The following SLC16A14 variants were observed in gnomAD, a reference collection of about 807,000 sequenced individuals.
The protein encoded by SLC16A14 is solute carrier family 16 member 14.
Under a neutral mutation model 35.8 loss-of-function variants are expected in SLC16A14, and 14 were observed. The observed-to-expected ratio is 0.39, with a 90% confidence interval of 0.26 to 0.61. The LOEUF (loss-of-function observed/expected upper bound fraction) is 0.61, where lower values mean the gene tolerates loss of function less well. SLC16A14 is among the 20% of genes least tolerant of loss of function. The pLI is 0.51. For synonymous variants in SLC16A14, 248 were observed against 258.9 expected (o/e 0.96, Z 0.40); for missense variants, 533 against 655.0 (o/e 0.81, Z 2.03).
intron 2 of SLC16A14, among the ~76,000 whole-genome samples, chr2:230,056,617 C>A (rs1428086750): frequency 6.6e-6 from 1 of 151,880 alleles, no homozygotes; most frequent in East Asian, 1.9e-4. Context: ...CCTGTAATCC[C>A]AGCACTTTGA....
chr2:230,049,836 T>G lies in SLC16A14; in HGVS notation c.328A>C (p.Asn110His). 1 of 1,614,158 alleles carries G rather than the reference T, an allele frequency of 6.2e-7. No homozygotes were observed. The highest frequency in any genetic ancestry group is 8.5e-7 in the Non-Finnish European group (1 of 1,180,030). ...GCACTCAACACCCAGCCCAGGGAGT[T>G]GACGAGCCCTCCAATGATCGCAGTC... Reference protein sequence around the residue: ...RQTAIIGGLVNSLGWVLSAYA... With the variant: ...RQTAIIGGLVHSLGWVLSAYA... The change falls in exon 3 of 5, where the codon AAC (asparagine) becomes CAC (histidine). Residue 110 changes from asparagine to histidine, a missense_variant. By Grantham distance (68) the Asn-to-His change is moderately conservative. Transcript: ENST00000295190.
chr2:230,057,889 C>T lies in SLC16A14; in HGVS notation c.259+1205G>A, dbSNP rs149277868. Among the ~76,000 whole-genome samples, 851 of 151,948 alleles carry T rather than the reference C, an allele frequency of 5.6e-3. 5 individuals carry two copies. The highest frequency in any genetic ancestry group is 8.1e-3 in the Non-Finnish European group (550 of 67,954). ...TAAAAATACAAAAAAATTAGCCGGG[C>T]GTGGTAGTGGGTGCCTGTAGTCCCA... On this transcript the variant is annotated intron_variant, in intron 2 of 4. Transcript: ENST00000295190.
At chr2:230,065,921 T>C (rs1242844593) in intron 1 of SLC16A14, among the ~76,000 whole-genome samples, 1 of 152,176 alleles carries the variant, frequency 6.6e-6, no homozygotes, top group Non-Finnish European at 1.5e-5. Flanking sequence ...CAAGCTCCCT[T>C]ACATTTTCTA....
intron 1 of SLC16A14, among the ~76,000 whole-genome samples, chr2:230,064,541 G>C (rs1182137881): frequency 6.6e-6 from 1 of 152,164 alleles, no homozygotes; most frequent in Non-Finnish European, 1.5e-5. Context: ...TGAGGAGCCA[G>C]AAACAGGAGA....
chr2:230,044,637 C>T (rs1420788306), intron 4 of SLC16A14, among the ~76,000 whole-genome samples: 2 of 151,974 alleles, frequency 1.3e-5, no homozygotes, highest in Non-Finnish European at 2.9e-5. Flanking sequence ...AACAAATTCC[C>T]CCCTAAAGCC....
intron 2 of SLC16A14, among the ~76,000 whole-genome samples, chr2:230,054,062 G>C (rs1207867865): frequency 7.0e-6 from 1 of 142,910 alleles, no homozygotes; most frequent in African/African-American, 2.6e-5. Context: ...GATACTTGGA[G>C]CCCATCCCAG....
chr2:230,060,654 G>A (rs1238223521), intron 1 of SLC16A14, among the ~76,000 whole-genome samples: 1 of 151,968 alleles, frequency 6.6e-6, no homozygotes, highest in African/African-American at 2.4e-5. Context: ...GAGCCACTGT[G>A]CCTGGCCTGT....
chr2:230,046,240 C>T lies in SLC16A14; in HGVS notation c.886G>A (p.Gly296Ser). ...TAGCCCGAATACCAGTCCTCGAAGC[C>T]CTTCCTGACTCTCATGGTGAGCCAG... Reference protein sequence around the residue: ...VSWLTMRVRKGFEDWYSGYFG... With the variant: ...VSWLTMRVRKSFEDWYSGYFG... The change falls in exon 4 of 5, where the codon GGC becomes AGC. Residue 296 changes from glycine (G) to serine (S), a missense_variant. Coordinates refer to ENST00000295190, the MANE Select transcript of SLC16A14 (RefSeq NM_152527.5). The surrounding 1 kb of genome is among the most constrained non-coding windows in gnomAD (Gnocchi z 5.0). The T allele has an allele frequency of 6.2e-7, 1 of 1,614,158 alleles. No individual in the cohort carries two copies. Among genetic ancestry groups the T allele is most frequent in the South Asian group, 1.1e-5 (1 of 91,088 alleles).
At chr2:230,064,958 C>T (rs1315793507) in intron 1 of SLC16A14, among the ~76,000 whole-genome samples, 3 of 152,058 alleles carry the variant, frequency 2.0e-5, no homozygotes, top group African/African-American at 7.3e-5. Context: ...TGCAGTGAGC[C>T]GAGATCGCAC....
At chr2:230,061,357 T>C (rs1322353439) in intron 1 of SLC16A14, among the ~76,000 whole-genome samples, 1 of 152,242 alleles carries the variant, frequency 6.6e-6, no homozygotes, top group Non-Finnish European at 1.5e-5. Flanking sequence ...ATGGAAGTTA[T>C]TTCAAGAACT....
chr2:230,065,035 A>G (rs2077782365), intron 1 of SLC16A14, among the ~76,000 whole-genome samples: 1 of 152,226 alleles, frequency 6.6e-6, no homozygotes, highest in Non-Finnish European at 1.5e-5. Flanking sequence ...ACAACAGGAA[A>G]AAGTTATAGT....
rs1474066207 is a variant in SLC16A14, at chr2:230,037,540, C to CA, written c.1382-10dup. ...GATGTCATAGATCCACCCTACAAAA[C>CA]AAAAAAGAATATATTCAGTGTCATG... On this transcript the variant is annotated splice_polypyrimidine_tract_variant and intron_variant, in intron 4 of 4. Coordinates refer to ENST00000295190, the MANE Select transcript of SLC16A14 (RefSeq NM_152527.5). 1 of 1,579,676 alleles carries CA rather than the reference C, an allele frequency of 6.3e-7. No individual in the cohort carries two copies. The highest frequency in any genetic ancestry group is 2.0e-5 in the Admixed American group (1 of 51,118).
rs574277610 is a variant in SLC16A14 at position 230,046,996 on chromosome 2, C to G, written c.404-274G>C. On this transcript the variant is annotated intron_variant, in intron 3 of 4. Coordinates refer to ENST00000295190, the MANE Select transcript of SLC16A14 (RefSeq NM_152527.5). This position sits in a 1 kb window ranked among gnomAD's most constrained non-coding sequence, Gnocchi z 5.0. ...ACAAAATGGAGCAGCATTCTCCCAT[C>G]AGAAAAATAGAAGCTCCAGGCAGGC... Among the ~76,000 whole-genome samples, 1 of 152,312 alleles carries G rather than the reference C, an allele frequency of 6.6e-6. No individual in the cohort carries two copies. Among genetic ancestry groups the G allele is most frequent in the Non-Finnish European group, 1.5e-5 (1 of 68,032 alleles).
rs2077610604 is a variant in SLC16A14 at position 230,046,635 on chromosome 2, C to T, written c.491G>A (p.Ser164Asn). Residue 164 changes from serine to asparagine, a missense_variant, in exon 4 of 5, where the codon AGC (serine) becomes AAC (asparagine). Transcript: ENST00000295190. The surrounding 1 kb of genome is among the most constrained non-coding windows in gnomAD (Gnocchi z 5.0). Reference sequence around the variant, plus strand: ...CGTACCGAATCCGGTCCCCGTGGTGCTGAGGCCCTGGGCGAGGGCGCGTCT... The same window carrying T: ...CGTACCGAATCCGGTCCCCGTGGTGTTGAGGCCCTGGGCGAGGGCGCGTCT... ...QKRRALAQGL[S>N]TTGTGFGTFL... is the part of the protein sequence containing the mutation. 6.2e-7 allele frequency: 1 copy of T among 1,611,032 alleles called. No homozygotes were observed. Among genetic ancestry groups the T allele is most frequent in the Non-Finnish European group, 8.5e-7 (1 of 1,180,024 alleles).
chr2:230,046,050 A>C lies in SLC16A14; in HGVS notation c.1076T>G (p.Ile359Arg). 6.2e-7 allele frequency: 1 copy of C among 1,614,224 alleles called. No individual in the cohort carries two copies. Among genetic ancestry groups the C allele is most frequent in the Non-Finnish European group, 8.5e-7 (1 of 1,180,008 alleles). Residue 359 changes from isoleucine (I) to arginine (R), a missense_variant, in exon 4 of 5, where the codon ATA (isoleucine) becomes AGA (arginine). Coordinates refer to ENST00000295190, the MANE Select transcript of SLC16A14 (RefSeq NM_152527.5). This position sits in a 1 kb window ranked among gnomAD's most constrained non-coding sequence, Gnocchi z 5.0. ...TTTTCCAAAGATGTGAACTATTGCT[A>C]TAATTGACGTCAGAGGGAAAACGTC... The part of the protein sequence containing the change: ...QNDVFPLTSI[I>R]AIVHIFGKVI...
intron 4 of SLC16A14, among the ~76,000 whole-genome samples, chr2:230,042,959 A>T (rs2077572470): frequency 6.6e-6 from 1 of 152,156 alleles, no homozygotes. Context: ...GATGTCTGAG[A>T]CGTTGCCCCA....
intron 4 of SLC16A14, among the ~76,000 whole-genome samples, chr2:230,044,712 GTGTGTGTGTGTGTGTGTGTGTGTGTA>G (rs1412727110): frequency 1.0e-3 from 105 of 103,262 alleles, no homozygotes; most frequent in African/African-American, 3.6e-3. Flanking sequence ...ATTTGTGTGT[GTGTGTGTGTGTGTGTGTGTGTGTGTA>G]TGTGTGTGTG....
chr2:230,062,774 A>G (rs1560482693), intron 1 of SLC16A14, among the ~76,000 whole-genome samples: 1 of 152,178 alleles, frequency 6.6e-6, no homozygotes, highest in Admixed American at 6.5e-5. Flanking sequence ...GAAGCAACTT[A>G]GTGGATCTGT....
intron 4 of SLC16A14, among the ~76,000 whole-genome samples, chr2:230,042,458 T>C (rs2077568519): frequency 6.6e-6 from 1 of 152,130 alleles, no homozygotes; most frequent in African/African-American, 2.4e-5. Flanking sequence ...TACCTCACAG[T>C]TGTGTTGTGA....
Sources: gnomAD v4.1 joint callset for allele counts (sites outside exome capture counted in the v4.1 genomes callset) on GRCh38, gnomAD v4.1.1 for gene constraint, Gnocchi (gnomAD v3.1) non-coding constraint, MANE v1.5 for transcripts, NCBI Gene and HGNC (gene_info 2026-07-23, HGNC 2026-07-21) for gene names.